Variants in TSHZ2 observed in about 807,000 individuals in gnomAD.
TSHZ2 encodes the protein teashirt zinc finger homeobox 2, also known as teashirt homolog 2.
A neutral mutation model predicts 74.4 loss-of-function variants in TSHZ2; 21 were observed. That is an observed-to-expected ratio of 0.28 (90% CI 0.20 to 0.41). TSHZ2 has a LOEUF of 0.41. Ranked by LOEUF, TSHZ2 falls within the 10% of genes least tolerant of loss-of-function variation. TSHZ2 has a pLI of 1.00. For missense variants in TSHZ2, 1,244 were observed against 1,293.5 expected (o/e 0.96, Z 0.59); for synonymous variants, 540 against 515.3 (o/e 1.05, Z -0.65).
At chr20:53,085,790 C>A (rs905617225) in intron 1 of TSHZ2, among the ~76,000 whole-genome samples, 5 of 152,200 alleles carry the variant, frequency 3.3e-5, no homozygotes, top group African/African-American at 1.2e-4. Flanking sequence ...TGCCTAGCTG[C>A]AAAGTCATGC....
At chr20:53,172,929 G>T (rs533685764) in intron 1 of TSHZ2, among the ~76,000 whole-genome samples, 35 of 152,180 alleles carry the variant, frequency 2.3e-4, no homozygotes, top group Non-Finnish European at 4.3e-4. Flanking sequence ...AAGCTCTGTG[G>T]GTTTGAATCT....
At chr20:53,282,260 C>T (rs1991075641) in intron 2 of TSHZ2, among the ~76,000 whole-genome samples, 1 of 152,188 alleles carries the variant, frequency 6.6e-6, no homozygotes, top group African/African-American at 2.4e-5. Flanking sequence ...GTGACTTTCA[C>T]CTGATTGTCA....
intron 1 of TSHZ2, among the ~76,000 whole-genome samples, chr20:53,102,761 G>C (rs1377162719): frequency 6.6e-6 from 1 of 152,076 alleles, no homozygotes. Flanking sequence ...AATATGACTT[G>C]GATTTTGAGT....
chr20:53,433,876 T>C (rs1983941620), intron 2 of TSHZ2, among the ~76,000 whole-genome samples: 1 of 152,150 alleles, frequency 6.6e-6, no homozygotes, highest in South Asian at 2.1e-4. Context: ...CTTTATGAAA[T>C]GCATTTTTTT....
chr20:53,228,268 C>T (rs190612766), intron 1 of TSHZ2, among the ~76,000 whole-genome samples: 1 of 152,226 alleles, frequency 6.6e-6, no homozygotes, highest in Admixed American at 6.5e-5. Context: ...GATGAAAAGG[C>T]ACCATGAATG....
intron 2 of TSHZ2, among the ~76,000 whole-genome samples, chr20:53,377,665 G>A (rs550811679): frequency 3.9e-5 from 6 of 151,982 alleles, no homozygotes; most frequent in East Asian, 3.9e-4. Flanking sequence ...TTCGAGAGAC[G>A]CCTGAGCAAC....
intron 2 of TSHZ2, among the ~76,000 whole-genome samples, chr20:53,466,548 T>C (rs893615093): frequency 1.6e-4 from 25 of 152,364 alleles, no homozygotes; most frequent in African/African-American, 5.5e-4. Flanking sequence ...TTTGCCAGCA[T>C]GTAGACCTCT....
At chr20:53,138,154 G>A (rs940293761) in intron 1 of TSHZ2, among the ~76,000 whole-genome samples, 6 of 152,160 alleles carry the variant, frequency 3.9e-5, no homozygotes, top group Non-Finnish European at 5.9e-5. Flanking sequence ...AGGCCAAGGC[G>A]GGCAGATCAT....
intron 1 of TSHZ2, among the ~76,000 whole-genome samples, chr20:53,147,735 G>GTTT (rs1555830105): frequency 6.6e-6 from 1 of 152,036 alleles, no homozygotes; most frequent in Non-Finnish European, 1.5e-5. Context: ...GTTTTGTTTT[G>GTTT]AGACAGAGTC....
intron 2 of TSHZ2, among the ~76,000 whole-genome samples, chr20:53,266,541 T>C (rs1184238596): frequency 6.6e-6 from 1 of 152,198 alleles, no homozygotes; most frequent in Middle Eastern, 3.2e-3. Context: ...ACCAATTACC[T>C]TGGCTTTTCT....
intron 1 of TSHZ2, among the ~76,000 whole-genome samples, chr20:53,193,685 T>C (rs779420176): frequency 4.6e-5 from 7 of 152,340 alleles, no homozygotes; most frequent in Middle Eastern, 3.4e-3. Flanking sequence ...ACAGGAATGG[T>C]CTACAGCCTG....
At chr20:53,365,408 G>T (rs1981221984) in intron 2 of TSHZ2, among the ~76,000 whole-genome samples, 1 of 152,162 alleles carries the variant, frequency 6.6e-6, no homozygotes, top group African/African-American at 2.4e-5. Flanking sequence ...ACATGCCAGG[G>T]TTTCTAAACT....
At position 52,982,831 on chromosome 20, in the gene TSHZ2, A is replaced by G. The variant is rs563957075; in HGVS notation, c.40+9498A>G. On this transcript the variant is annotated intron_variant, in intron 1 of 2. Transcript: ENST00000371497. ...AGTGGTGATTTGATCAGACCTGAAA[A>G]AAAAGTGAGAGACTAGCCAAGCACA... 4.6e-5 allele frequency among the ~76,000 whole-genome samples: 7 copies of G among 152,306 alleles called. No homozygotes were observed. In the East Asian group the frequency reaches 1.4e-3, roughly 29 times the overall value.
intron 1 of TSHZ2, among the ~76,000 whole-genome samples, chr20:53,182,409 C>A (rs1003969650): frequency 6.6e-6 from 1 of 152,186 alleles, no homozygotes; most frequent in South Asian, 2.1e-4. Context: ...GCAAAGTACT[C>A]TGATCCATGC....
rs1434181199 is a variant in TSHZ2 at position 53,013,117 on chromosome 20, C to T, written c.40+39784C>T. Among the ~76,000 whole-genome samples the T allele has an allele frequency of 2.0e-5, 3 of 152,118 alleles. No homozygotes were observed. The East Asian group carries it at 5.8e-4, about 29-fold the overall frequency. ...TGTGATTGGAGTTTTAGTATAGCTT[C>T]ACAGAGTAATATTTATAGATCACTT... On this transcript the variant is annotated intron_variant, in intron 1 of 2. Transcript: ENST00000371497.
intron 2 of TSHZ2, among the ~76,000 whole-genome samples, chr20:53,284,383 G>A (rs1010923066): frequency 2.6e-5 from 4 of 152,164 alleles, no homozygotes; most frequent in Non-Finnish European, 5.9e-5. Flanking sequence ...TAGCACAGGC[G>A]GCGGCAGAAG....
chr20:53,049,393 CAT>C (rs1388367637), intron 1 of TSHZ2, among the ~76,000 whole-genome samples: 3 of 152,002 alleles, frequency 2.0e-5, no homozygotes, highest in African/African-American at 7.3e-5. Flanking sequence ...TCATGGTTAA[CAT>C]ATATTCAACC....
intron 2 of TSHZ2, among the ~76,000 whole-genome samples, chr20:53,442,823 T>C (rs1483433230): frequency 6.6e-6 from 1 of 152,254 alleles, no homozygotes; most frequent in Non-Finnish European, 1.5e-5. Context: ...TATCTGTTTT[T>C]AAGCCGGCAG....
intron 2 of TSHZ2, among the ~76,000 whole-genome samples, chr20:53,332,001 A>G (rs895358422): frequency 3.3e-5 from 5 of 152,184 alleles, no homozygotes; most frequent in African/African-American, 1.2e-4. Context: ...CTCCATCTTC[A>G]CTGCCCTCCT....
Sources: gnomAD v4.1 joint callset for allele counts (sites outside exome capture counted in the v4.1 genomes callset) on GRCh38, gnomAD v4.1.1 for gene constraint, MANE v1.5 for transcripts, NCBI Gene and HGNC (gene_info 2026-07-23, HGNC 2026-07-21) for gene names.